The following OCIAD1 variants were observed in gnomAD, a reference collection of about 807,000 sequenced individuals.
The protein encoded by OCIAD1 is OCIA domain-containing protein 1.
In OCIAD1, 29 loss-of-function variants were observed where a neutral mutation model predicts 38.9. The ratio of observed to expected loss-of-function variants is 0.74; its 90% CI spans 0.55 to 1.02. The LOEUF (loss-of-function observed/expected upper bound fraction) is 1.02. Ranked by LOEUF, OCIAD1 falls within the 50% of genes least tolerant of loss-of-function variation. The pLI, the probability that OCIAD1 is intolerant of heterozygous loss-of-function variation, is 0.00. For synonymous variants in OCIAD1, 110 were observed against 92.0 expected (o/e 1.20, Z -1.12); for missense variants, 288 against 289.6 (o/e 0.99, Z 0.04).
chr4:48,826,098 G>A (rs187535677), upstream of OCIAD1, among the ~76,000 whole-genome samples: 25 of 152,002 alleles, frequency 1.6e-4, no homozygotes, highest in Admixed American at 6.6e-4. Context: ...TCAGCCTCCC[G>A]AAGTGCTGGG....
intron 7 of OCIAD1, among the ~76,000 whole-genome samples, chr4:48,853,806 C>T (rs1488475624): frequency 6.6e-6 from 1 of 152,096 alleles, no homozygotes; most frequent in Non-Finnish European, 1.5e-5. Context: ...TGTTGGACAG[C>T]ACTACTTAAG....
intron 4 of OCIAD1, among the ~76,000 whole-genome samples, chr4:48,846,761 A>T (rs1162396648): frequency 6.6e-6 from 1 of 151,926 alleles, no homozygotes; most frequent in Non-Finnish European, 1.5e-5. Flanking sequence ...AAAAAAAAAA[A>T]GAATTGGTAG....
rs142756548 is a variant in OCIAD1 at position 48,851,812 on chromosome 4, T to C, written c.384T>C (p.Tyr128=). The change falls in exon 7 of 9, where the codon TAT becomes TAC. Residue 128 remains tyrosine (Y), a synonymous_variant. Transcript: ENST00000264312. ...ATATGATTTTCATTTACAGGCACTA[T>C]TATCAAAAGTCAAAATATGACTCAA... ...QARRSSPPGH[Y]YQKSKYDSSV... 1.3e-6 allele frequency: 2 copies of C among 1,596,424 alleles called. No individual in the cohort carries two copies. The highest frequency in any genetic ancestry group is 1.7e-6 in the Non-Finnish European group (2 of 1,164,522).
chr4:48,829,221 C>G (rs957265977), upstream of OCIAD1, among the ~76,000 whole-genome samples: 3 of 151,834 alleles, frequency 2.0e-5, no homozygotes, highest in African/African-American at 4.8e-5. Flanking sequence ...GATGGCACCA[C>G]TGTACTACGG....
At chr4:48,851,659 G>C in intron 6 of OCIAD1, 147 bp from the exon 7 acceptor site, 1 of 440,980 alleles carries the variant, frequency 2.3e-6, no homozygotes, top group African/African-American at 2.0e-5. Context: ...CTGGGTGACA[G>C]AGCAAGACCC....
chr4:48,836,367 CAAT>C (rs1223249350), intron 3 of OCIAD1, among the ~76,000 whole-genome samples: 1 of 152,138 alleles, frequency 6.6e-6, no homozygotes, highest in Non-Finnish European at 1.5e-5. Context: ...TTAGGAGACT[CAAT>C]GATACCTCTG....
upstream of OCIAD1, among the ~76,000 whole-genome samples, chr4:48,828,824 C>T (rs1054467687): frequency 2.0e-4 from 31 of 152,216 alleles, no homozygotes; most frequent in Admixed American, 5.2e-4. Context: ...CGTGAGGGTC[C>T]GCAGCTTCAT....
intron 4 of OCIAD1, among the ~76,000 whole-genome samples, chr4:48,847,028 A>G (rs117849104): frequency 1.3e-5 from 2 of 152,300 alleles, no homozygotes; most frequent in East Asian, 1.9e-4. Context: ...GATTTTGTAT[A>G]TATTTATTTA....
At chr4:48,847,533 A>T (rs555273777) in intron 4 of OCIAD1, among the ~76,000 whole-genome samples, 9 of 152,306 alleles carry the variant, frequency 5.9e-5, no homozygotes, top group South Asian at 4.1e-4. Context: ...AAAATTTTTT[A>T]AAAAAATCTT....
chr4:48,822,795 A>T (rs1454485865), intron 1 of OCIAD1, among the ~76,000 whole-genome samples: 1 of 152,270 alleles, frequency 6.6e-6, no homozygotes, highest in Non-Finnish European at 1.5e-5. Context: ...AAAAATGCTC[A>T]TCATCACTGG....
intron 8 of OCIAD1, among the ~76,000 whole-genome samples, chr4:48,859,667 A>G (rs538931951): frequency 1.3e-5 from 2 of 152,254 alleles, no homozygotes; most frequent in Non-Finnish European, 2.9e-5. Flanking sequence ...TGCTTTATAT[A>G]ATTTAAAGAA....
At chr4:48,852,088 C>G (rs1179731240) in intron 7 of OCIAD1, 113 bp downstream of exon 7, 2 of 753,150 alleles carry the variant, frequency 2.7e-6, no homozygotes, top group African/African-American at 1.8e-5. Flanking sequence ...CATCAATCAT[C>G]AACCTAAACT....
chr4:48,825,871 T>C (rs901943864), intron 1 of OCIAD1, among the ~76,000 whole-genome samples: 1 of 148,912 alleles, frequency 6.7e-6, no homozygotes, highest in African/African-American at 2.5e-5. Context: ...AGAGCCTCAC[T>C]CTGTTGCCCA....
At chr4:48,809,757 T>G (rs1331287003) in intron 1 of OCIAD1, among the ~76,000 whole-genome samples, 1 of 152,148 alleles carries the variant, frequency 6.6e-6, no homozygotes, top group Admixed American at 6.5e-5. Flanking sequence ...CACCCATTCC[T>G]TTGTTCTTCC....
rs1777208499 is a variant in OCIAD1 at position 48,822,962 on chromosome 4, C to G, written c.-102-7615C>G. On this transcript the variant is annotated intron_variant, in intron 1 of 6. Coordinates refer to the OCIAD1 transcript ENST00000504654. ...TGGTGGGAGTGTAAATTAGTTCAAC[C>G]ATTGTGGAAGACAGTGTGGCAATTA... 2.6e-5 allele frequency among the ~76,000 whole-genome samples: 4 copies of G among 152,264 alleles called. No homozygotes were observed. In the South Asian group the frequency reaches 8.3e-4, roughly 32 times the overall value.
intron 1 of OCIAD1, among the ~76,000 whole-genome samples, chr4:48,807,813 C>G (rs1429564172): frequency 6.6e-6 from 1 of 152,130 alleles, no homozygotes; most frequent in Non-Finnish European, 1.5e-5. Context: ...ATGCTCAAAG[C>G]CACTGCTTCA....
chr4:48,829,359 TTTTC>T (rs1777309261), upstream of OCIAD1, among the ~76,000 whole-genome samples: 1 of 152,198 alleles, frequency 6.6e-6, no homozygotes, highest in African/African-American at 2.4e-5. Flanking sequence ...TGTCTTTTAA[TTTTC>T]TTATTTTTGT....
At chr4:48,858,360 G>C (rs1238726431) in intron 8 of OCIAD1, among the ~76,000 whole-genome samples, 1 of 152,170 alleles carries the variant, frequency 6.6e-6, no homozygotes, top group Non-Finnish European at 1.5e-5. Flanking sequence ...TTGGCGTTGC[G>C]CTGTAATACC....
rs1431316566 is a variant in OCIAD1, at chr4:48,851,667, C to A, written c.378-139C>A. 6.6e-6 allele frequency: 3 copies of A among 451,926 alleles called. No individual in the cohort carries two copies. In the East Asian group the frequency reaches 1.1e-4, roughly 16 times the overall value. The allele number at this position is 451,926 out of a possible 1,614,324, so 28.0% of individuals were successfully genotyped here. A position where few individuals can be genotyped will look rare whatever the true frequency, so the allele number is the denominator to read the frequency against. Reference sequence around the variant, plus strand: ...CTATAGCCTGGGTGACAGAGCAAGACCCTGTCTCAAAAAAATAAAAAAAAT... The same window carrying A: ...CTATAGCCTGGGTGACAGAGCAAGAACCTGTCTCAAAAAAATAAAAAAAAT... On this transcript the variant is annotated intron_variant, in intron 6 of 8. Transcript: ENST00000264312.
Sources: allele counts gnomAD v4.1 joint callset (sites outside exome capture counted in the v4.1 genomes callset), GRCh38; gene constraint gnomAD v4.1.1; transcripts MANE v1.5; gene names NCBI Gene and HGNC (gene_info 2026-07-23, HGNC 2026-07-21).